Variants in SCFD2 observed in about 807,000 individuals in gnomAD.
SCFD2 encodes the protein sec1 family domain containing 2.
A neutral mutation model predicts 58.9 loss-of-function variants in SCFD2; 54 were observed. That is an observed-to-expected ratio of 0.92 (90% CI 0.74 to 1.15). The LOEUF (loss-of-function observed/expected upper bound fraction) is 1.15, where lower values mean the gene tolerates loss of function less well. SCFD2 is among the 50% of genes most tolerant of loss of function. The probability of loss-of-function intolerance (pLI) is 0.00; values close to 1 mark genes in which losing one functional copy is unlikely to be tolerated. For missense variants in SCFD2, 805 were observed against 836.6 expected, an observed-to-expected ratio of 0.96 and a Z score of 0.47; for synonymous variants, 321 against 335.9, an observed-to-expected ratio of 0.96 and a Z score of 0.49.
intron 5 of SCFD2, among the ~76,000 whole-genome samples, chr4:53,137,225 CA>C (rs1725969556): frequency 6.6e-6 from 1 of 152,204 alleles, no homozygotes; most frequent in African/African-American, 2.4e-5. Context: ...GTGGGGCTTT[CA>C]AGAAAGCTGT....
At chr4:53,331,478 A>G (rs1180292110) in intron 2 of SCFD2, among the ~76,000 whole-genome samples, 2 of 152,230 alleles carry the variant, frequency 1.3e-5, no homozygotes, top group African/African-American at 4.8e-5. Flanking sequence ...AAACTGAATA[A>G]CCTGCTCCTG....
At chr4:53,312,180 G>A (rs1426364474) in intron 3 of SCFD2, among the ~76,000 whole-genome samples, 1 of 152,080 alleles carries the variant, frequency 6.6e-6, no homozygotes, top group African/African-American at 2.4e-5. Flanking sequence ...CCAGGCTAGG[G>A]CATGTCTGTC....
intron 2 of SCFD2, among the ~76,000 whole-genome samples, chr4:53,335,382 G>A (rs768995619): frequency 6.6e-6 from 1 of 152,126 alleles, no homozygotes; most frequent in Non-Finnish European, 1.5e-5. Context: ...GATCATCAAT[G>A]TTATGGGAAG....
intron 5 of SCFD2, chr4:52,956,841 C>T (rs1720723530): frequency 6.5e-6 from 1 of 152,736 alleles, no homozygotes; most frequent in East Asian, 1.9e-4. Flanking sequence ...AGATAAGGAT[C>T]TTCCAGTCCT....
chr4:53,113,799 T>A lies in SCFD2; in HGVS notation c.1561+31534A>T, dbSNP rs565710332. ...GATAATGTTTATAAAGTGGCTGGAA[T>A]AAAACAAAGGTACAGAAAGTGGTCA... On this transcript the variant is annotated intron_variant, in intron 5 of 8. Transcript: ENST00000401642. Among the ~76,000 whole-genome samples, 6 of 134,078 alleles carry A rather than the reference T, an allele frequency of 4.5e-5. No homozygotes were observed. The South Asian group carries it at 1.5e-3, about 33-fold the overall frequency. 88.0% of individuals were successfully genotyped at this position (134,078 alleles called of 152,430 possible).
At chr4:52,907,704 C>CTG (rs1719380846) in intron 6 of SCFD2, 113 bp from the exon 7 acceptor site, 1 of 857,782 alleles carries the variant, frequency 1.2e-6, no homozygotes, top group South Asian at 1.5e-5. Context: ...TGAGCAATGC[C>CTG]TATATGTGTG....
At chr4:53,021,586 C>T (rs114853018) in intron 5 of SCFD2, among the ~76,000 whole-genome samples, 1,568 of 152,026 alleles carry the variant, frequency 0.01, 11 homozygotes, top group South Asian at 0.017. Flanking sequence ...CAATGCAATG[C>T]GGTATGCATT....
chr4:53,094,664 C>T (rs189173046), intron 5 of SCFD2, among the ~76,000 whole-genome samples: 178 of 152,080 alleles, frequency 1.2e-3, no homozygotes, highest in Non-Finnish European at 1.8e-3. Context: ...TTTCTTTAAT[C>T]TCTGTTGGAC....
At chr4:53,070,043 G>A (rs1003370794) in intron 5 of SCFD2, among the ~76,000 whole-genome samples, 4 of 151,886 alleles carry the variant, frequency 2.6e-5, no homozygotes, top group African/African-American at 4.8e-5. Flanking sequence ...TTTCAATGTT[G>A]ACATCTGGCT....
intron 3 of SCFD2, among the ~76,000 whole-genome samples, chr4:53,291,501 C>T (rs1257917443): frequency 6.6e-6 from 1 of 152,086 alleles, no homozygotes; most frequent in Non-Finnish European, 1.5e-5. Flanking sequence ...AAAAACATTC[C>T]ATGCTCATGG....
intron 5 of SCFD2, among the ~76,000 whole-genome samples, chr4:53,070,734 C>T (rs1226075944): frequency 2.0e-5 from 3 of 152,052 alleles, no homozygotes; most frequent in African/African-American, 7.2e-5. Flanking sequence ...ATGCTTTACT[C>T]TATAGGTTTA....
chr4:53,089,425 ATTTC>A (rs904181854), intron 5 of SCFD2, among the ~76,000 whole-genome samples: 4 of 152,108 alleles, frequency 2.6e-5, no homozygotes, highest in African/African-American at 9.7e-5. Flanking sequence ...GAACCACAAA[ATTTC>A]TTTATGAAAA....
At chr4:52,876,075 T>C (rs927368565) in intron 8 of SCFD2, among the ~76,000 whole-genome samples, 3 of 151,800 alleles carry the variant, frequency 2.0e-5, no homozygotes, top group African/African-American at 7.3e-5. Flanking sequence ...TAGTAGGTAA[T>C]TGAGCCTGGC....
intron 7 of SCFD2, among the ~76,000 whole-genome samples, chr4:52,905,584 A>G (rs1416166046): frequency 6.6e-6 from 1 of 152,098 alleles, no homozygotes; most frequent in Non-Finnish European, 1.5e-5. Flanking sequence ...TCTTAAATCC[A>G]TTACTTGGAA....
intron 5 of SCFD2, among the ~76,000 whole-genome samples, chr4:52,928,317 G>A (rs1471012365): frequency 2.0e-5 from 3 of 152,150 alleles, no homozygotes; most frequent in Non-Finnish European, 4.4e-5. Flanking sequence ...CTGGGTGACA[G>A]AGTGAGATTC....
chr4:53,112,236 G>A lies in SCFD2; in HGVS notation c.1561+33097C>T, dbSNP rs147597702. Among the ~76,000 whole-genome samples, 52 of 152,242 alleles carry A rather than the reference G, an allele frequency of 3.4e-4. No individual in the cohort carries two copies. The East Asian group carries it at 8.7e-3, about 25-fold the overall frequency. ...TGCCTGAAGGAAAACGAAGGGAAAAGAGAATGAAAGGTGGAGTTTTTTGAG... is the reference window on the plus strand; with the variant it reads ...TGCCTGAAGGAAAACGAAGGGAAAAAAGAATGAAAGGTGGAGTTTTTTGAG... On this transcript the variant is annotated intron_variant, in intron 5 of 8. Coordinates refer to ENST00000401642, the MANE Select transcript of SCFD2 (RefSeq NM_152540.4).
intron 5 of SCFD2, among the ~76,000 whole-genome samples, chr4:53,111,026 G>T (rs1186626730): frequency 1.3e-5 from 2 of 152,196 alleles, no homozygotes; most frequent in Non-Finnish European, 2.9e-5. Flanking sequence ...ATGAGTTCAT[G>T]TCCTTTGCAG....
At chr4:53,249,599 C>G (rs9799491) in intron 4 of SCFD2, among the ~76,000 whole-genome samples, 68,979 of 152,108 alleles carry the variant, frequency 0.45, 17,371 homozygotes, top group Non-Finnish European at 0.55. Context: ...AGACTCACAG[C>G]AGATCTCTCG....
intron 1 of SCFD2, among the ~76,000 whole-genome samples, chr4:53,358,805 A>G (rs1375617468): frequency 6.6e-6 from 1 of 152,222 alleles, no homozygotes; most frequent in Non-Finnish European, 1.5e-5. Flanking sequence ...AGAATGGCCC[A>G]CAGAATGCTG....
Sources: allele counts gnomAD v4.1 joint callset (sites outside exome capture counted in the v4.1 genomes callset), GRCh38; gene constraint gnomAD v4.1.1; transcripts MANE v1.5; gene names NCBI Gene and HGNC (gene_info 2026-07-23, HGNC 2026-07-21).